The following ATR variants were observed in gnomAD, a reference collection of about 807,000 sequenced individuals.
The protein encoded by ATR is ATR checkpoint kinase, also known as serine/threonine-protein kinase ATR.
In ATR, 142 loss-of-function variants were observed where a neutral mutation model predicts 305.3. The observed-to-expected ratio is 0.47, with a 90% CI of 0.41 to 0.53. The LOEUF (loss-of-function observed/expected upper bound fraction) is 0.53, where lower values mean the gene tolerates loss of function less well. Among genes scored for constraint, ATR ranks in the 20% least tolerant of loss-of-function variants. The pLI is 0.00. For synonymous variants in ATR, 1,050 were observed against 1,068.1 expected (o/e 0.98, Z 0.33); for missense variants, 2,135 against 3,133.1 (o/e 0.68, Z 7.60).
chr3:142,475,469 T>G (rs2071414112), intron 36 of ATR, among the ~76,000 whole-genome samples: 1 of 152,234 alleles, frequency 6.6e-6, no homozygotes, highest in East Asian at 1.9e-4. Flanking sequence ...GGGGTATATG[T>G]GCCACATTTT....
At chr3:142,480,123 C>T (rs1039528491) in intron 36 of ATR, among the ~76,000 whole-genome samples, 1 of 152,202 alleles carries the variant, frequency 6.6e-6, no homozygotes, top group African/African-American at 2.4e-5. Flanking sequence ...TGTTCCGTTG[C>T]TGGTGAGGAG....
chr3:142,465,007 T>C, intron 41 of ATR, 90 bp downstream of exon 41: 1 of 876,660 alleles, frequency 1.1e-6, no homozygotes, highest in East Asian at 3.6e-5. Context: ...ATAGCAACTC[T>C]GAAATAAAAG....
chr3:142,524,125 C>T lies in ATR; in HGVS notation c.4020G>A (p.Leu1340=), dbSNP rs1274780454. ...GAGAGTTTGCATCTTGGCAACCTTTCAAAAGCACTGTCACCAACTGTGAGA... is the reference window on the plus strand; with the variant it reads ...GAGAGTTTGCATCTTGGCAACCTTTTAAAAGCACTGTCACCAACTGTGAGA... ...PIISQLVTVL[L]KGCQDANSQA... Residue 1340 remains leucine (L), a synonymous_variant, in exon 22 of 47, where the codon TTG becomes TTA. Coordinates refer to ENST00000350721, the MANE Select transcript of ATR (RefSeq NM_001184.4). The T allele has an allele frequency of 6.2e-7, 1 of 1,614,130 alleles. No homozygotes were observed.
intron 21 of ATR, among the ~76,000 whole-genome samples, chr3:142,529,777 G>A (rs1426732010): frequency 1.3e-5 from 2 of 152,122 alleles, no homozygotes; most frequent in East Asian, 3.9e-4. Context: ...CATTCCTACT[G>A]AGAATTCTGA....
At chr3:142,495,661 T>C (rs780822649) in intron 34 of ATR, among the ~76,000 whole-genome samples, 1 of 152,054 alleles carries the variant, frequency 6.6e-6, no homozygotes, top group African/African-American at 2.4e-5. Context: ...GGAGAATCAC[T>C]TGAACTCGGG....
At chr3:142,461,864 T>C in intron 42 of ATR, 76 bp downstream of exon 42, 2 of 1,470,718 alleles carry the variant, frequency 1.4e-6, no homozygotes, top group Non-Finnish European at 1.9e-6. Context: ...TATGCTAGCA[T>C]ATATTAATAC....
intron 27 of ATR, among the ~76,000 whole-genome samples, chr3:142,511,468 C>T (rs1454477754): frequency 2.0e-5 from 3 of 151,706 alleles, no homozygotes; most frequent in Non-Finnish European, 4.4e-5. Flanking sequence ...CCAGCCTGGC[C>T]AACATGGTGA....
chr3:142,526,736 T>C (rs2033407813), intron 21 of ATR, among the ~76,000 whole-genome samples: 1 of 151,940 alleles, frequency 6.6e-6, no homozygotes, highest in Non-Finnish European at 1.5e-5. Context: ...GTATTAACCA[T>C]CTTTGCAATA....
At chr3:142,488,678 A>G (rs1297134843) in intron 35 of ATR, among the ~76,000 whole-genome samples, 3 of 152,140 alleles carry the variant, frequency 2.0e-5, no homozygotes, top group Non-Finnish European at 4.4e-5. Flanking sequence ...AATTCCCTAT[A>G]CTACTACTAA....
intron 45 of ATR, among the ~76,000 whole-genome samples, chr3:142,456,707 A>C (rs892913555): frequency 3.3e-5 from 5 of 152,274 alleles, no homozygotes; most frequent in Non-Finnish European, 7.3e-5. Context: ...TCATTAGGGA[A>C]GTGCAAATTA....
chr3:142,523,280 CG>C, intron 22 of ATR, among the ~76,000 whole-genome samples: 1 of 152,002 alleles, frequency 6.6e-6, no homozygotes, highest in Admixed American at 6.6e-5. Flanking sequence ...ATTAGCCAGG[CG>C]TGGTGGTGCA....
intron 45 of ATR, among the ~76,000 whole-genome samples, chr3:142,455,564 T>C (rs1399480382): frequency 6.6e-6 from 1 of 152,204 alleles, no homozygotes; most frequent in Admixed American, 6.5e-5. Context: ...AGGTTAGGCA[T>C]ATAGATCAAC....
intron 8 of ATR, 61 bp downstream of exon 8, chr3:142,558,563 T>G: frequency 8.1e-7 from 1 of 1,236,312 alleles, no homozygotes; most frequent in Non-Finnish European, 1.1e-6. Flanking sequence ...AATAAATAGA[T>G]AGATAGATAG....
At chr3:142,470,060 T>C (rs777098205) in intron 37 of ATR, 26 bp downstream of exon 37, 2 of 1,551,038 alleles carry the variant, frequency 1.3e-6, no homozygotes. Context: ...CCTAGTCCTT[T>C]AAAACTTTTA....
chr3:142,457,990 C>T (rs2070943091), intron 44 of ATR, among the ~76,000 whole-genome samples: 1 of 152,172 alleles, frequency 6.6e-6, no homozygotes, highest in African/African-American at 2.4e-5. Context: ...GTGGACTTAC[C>T]TTTCACTGAG....
At position 142,497,144 on chromosome 3, in the gene ATR, C is replaced by T. The variant is rs1450079064; in HGVS notation, c.5607G>A (p.Gln1869=). Reference sequence around the variant, plus strand: ...CTTGAGAACTGTCACCTGGAGAATGCTGGAAAAGTGGTTTGATGCTATGCT... The same window carrying T: ...CTTGAGAACTGTCACCTGGAGAATGTTGGAAAAGTGGTTTGATGCTATGCT... ...ELEHSIKPLF[Q]HSPGDSSQED... The change falls in exon 33 of 47, where the codon CAG becomes CAA. Residue 1869 remains glutamine (Q), a synonymous_variant. Transcript: ENST00000350721. 7 of 1,614,008 alleles carry T rather than the reference C, an allele frequency of 4.3e-6. No individual in the cohort carries two copies. The highest frequency in any genetic ancestry group is 1.3e-5 in the African/African-American group (1 of 75,016).
chr3:142,538,353 T>C (rs1033974265), intron 19 of ATR, 129 bp downstream of exon 19: 2 of 972,312 alleles, frequency 2.1e-6, no homozygotes, highest in Admixed American at 5.3e-5. Flanking sequence ...TACATGCCAA[T>C]TACTTTTGTT....
chr3:142,566,940 C>T (rs1472785221), intron 2 of ATR, among the ~76,000 whole-genome samples: 1 of 152,034 alleles, frequency 6.6e-6, no homozygotes, highest in Non-Finnish European at 1.5e-5. Flanking sequence ...GACAGGGTTT[C>T]GTCATGTTGG....
chr3:142,475,705 G>T (rs995296744), intron 36 of ATR, among the ~76,000 whole-genome samples: 26 of 152,202 alleles, frequency 1.7e-4, no homozygotes, highest in Non-Finnish European at 3.2e-4. Context: ...CTAGTTTACA[G>T]TCCCAACAAC....
Sources: gnomAD v4.1 joint callset for allele counts (sites outside exome capture counted in the v4.1 genomes callset) on GRCh38, gnomAD v4.1.1 for gene constraint, MANE v1.5 for transcripts, NCBI Gene and HGNC (gene_info 2026-07-23, HGNC 2026-07-21) for gene names.